ZNF385B: variants seen among roughly 807,000 people sequenced by gnomAD.
The protein encoded by ZNF385B is zinc finger protein 385B, also known as zinc finger protein 533.
ZNF385B carries 23 observed loss-of-function variants against 39.2 expected under a neutral mutation model. The ratio of observed to expected loss-of-function variants is 0.59; its 90% CI spans 0.42 to 0.83. The LOEUF is 0.83. Ranked by LOEUF, ZNF385B falls within the 40% of genes least tolerant of loss-of-function variation. The pLI is 0.00. For synonymous variants in ZNF385B, 205 were observed against 222.6 expected (o/e 0.92, Z 0.70); for missense variants, 552 against 598.9 (o/e 0.92, Z 0.82).
At chr2:179,803,271 AC>A (rs1228438914) in intron 1 of ZNF385B, among the ~76,000 whole-genome samples, 1 of 152,150 alleles carries the variant, frequency 6.6e-6, no homozygotes, top group Non-Finnish European at 1.5e-5. Context: ...CTAAGGTAAC[AC>A]AGTTTTAGTA....
chr2:179,509,192 A>C (rs536455836), intron 5 of ZNF385B, among the ~76,000 whole-genome samples: 2 of 152,254 alleles, frequency 1.3e-5, no homozygotes, highest in South Asian at 4.1e-4. Flanking sequence ...GTGATCCATC[A>C]TAATCACTTT....
intron 1 of ZNF385B, among the ~76,000 whole-genome samples, chr2:179,827,550 C>G (rs1462068168): frequency 6.6e-6 from 1 of 151,988 alleles, no homozygotes; most frequent in Non-Finnish European, 1.5e-5. Context: ...ATATAATTCT[C>G]AAATGCAAAA....
At chr2:179,518,735 A>C (rs2058272463) in intron 4 of ZNF385B, 97 bp from the exon 5 acceptor site, 3 of 660,340 alleles carry the variant, frequency 4.5e-6, no homozygotes, top group Non-Finnish European at 7.4e-6. Context: ...TAAAGTTTAA[A>C]CTTTTAGTTC....
At chr2:179,656,326 T>C (rs1693758577) in intron 3 of ZNF385B, among the ~76,000 whole-genome samples, 1 of 152,134 alleles carries the variant, frequency 6.6e-6, no homozygotes, top group South Asian at 2.1e-4. Context: ...GGCATTTTGA[T>C]TCCCAAGTAA....
At chr2:179,559,553 C>T (rs1195073032) in intron 3 of ZNF385B, among the ~76,000 whole-genome samples, 2 of 152,084 alleles carry the variant, frequency 1.3e-5, no homozygotes, top group African/African-American at 4.8e-5. Flanking sequence ...ATTATACTGA[C>T]CTTGTACTAG....
intron 5 of ZNF385B, among the ~76,000 whole-genome samples, chr2:179,508,276 T>C (rs2057401628): frequency 6.6e-6 from 1 of 152,230 alleles, no homozygotes; most frequent in African/African-American, 2.4e-5. Context: ...GTCTAGCAAT[T>C]CTACCTGTTG....
At chr2:179,770,340 G>A (rs1010497353) in intron 2 of ZNF385B, among the ~76,000 whole-genome samples, 181 bp downstream of exon 2, 1 of 152,094 alleles carries the variant, frequency 6.6e-6, no homozygotes, top group African/African-American at 2.4e-5. Flanking sequence ...TTACATAATA[G>A]GCATTCAAAT....
chr2:179,563,807 G>C (rs1684222249), intron 3 of ZNF385B, among the ~76,000 whole-genome samples: 1 of 152,104 alleles, frequency 6.6e-6, no homozygotes, highest in Non-Finnish European at 1.5e-5. Context: ...TCAAAAAAAA[G>C]TCTTCATCTA....
rs190689295 is a variant in ZNF385B at position 179,634,851 on chromosome 2, C to T, written c.299-89882G>A. ...GGATTAAGAAAATGTGGCACATGGC[C>T]GGTCGCCATGGCTCACGCCTGTAAT... is the stretch of plus-strand genomic sequence containing the variant. On this transcript the variant is annotated intron_variant, in intron 3 of 9. Coordinates refer to ENST00000410066, the MANE Select transcript of ZNF385B (RefSeq NM_152520.6). Among the ~76,000 whole-genome samples the T allele has an allele frequency of 2.6e-3, 402 of 152,078 alleles. 1 individual carries two copies. The highest frequency in any genetic ancestry group is 9.1e-3 in the African/African-American group (376 of 41,476).
At chr2:179,770,776 C>T (rs1026718780) in intron 1 of ZNF385B, 104 bp from the exon 2 acceptor site, 3 of 151,888 alleles carry the variant, frequency 2.0e-5, no homozygotes, top group African/African-American at 4.8e-5. Flanking sequence ...ATGTTTTCTT[C>T]GTTTGTTTAG....
chr2:179,651,925 A>G (rs2106248861), intron 3 of ZNF385B, among the ~76,000 whole-genome samples: 1 of 152,308 alleles, frequency 6.6e-6, no homozygotes, highest in African/African-American at 2.4e-5. Context: ...CCTTTTCTCC[A>G]GAAAACAACG....
At chr2:179,688,520 A>AACAAC (rs1559091228) in intron 3 of ZNF385B, among the ~76,000 whole-genome samples, 1 of 111,438 alleles carries the variant, frequency 9.0e-6, no homozygotes. Flanking sequence ...ACAACAACAA[A>AACAAC]AACAGAAAGA....
chr2:179,517,869 G>A (rs1464426870), intron 5 of ZNF385B, among the ~76,000 whole-genome samples: 1 of 152,036 alleles, frequency 6.6e-6, no homozygotes, highest in Admixed American at 6.5e-5. Flanking sequence ...TTAGCAGGAT[G>A]GTTATGCTTG....
At chr2:179,473,215 AAGTC>A (rs1235860471) in intron 6 of ZNF385B, among the ~76,000 whole-genome samples, 1 of 152,188 alleles carries the variant, frequency 6.6e-6, no homozygotes, top group Non-Finnish European at 1.5e-5. Context: ...GTCACTGAAA[AAGTC>A]AGGCTCATGA....
chr2:179,490,634 C>T (rs2055121479), intron 5 of ZNF385B, among the ~76,000 whole-genome samples: 2 of 151,410 alleles, frequency 1.3e-5, no homozygotes, highest in Admixed American at 1.3e-4. Flanking sequence ...AAAAAAAGTG[C>T]TTTTAAAAAA....
chr2:179,482,105 G>A (rs951655255), intron 6 of ZNF385B, among the ~76,000 whole-genome samples: 3 of 152,120 alleles, frequency 2.0e-5, no homozygotes, highest in South Asian at 2.1e-4. Context: ...ATCCTTCTAC[G>A]CTGAAGAGCT....
chr2:179,758,742 C>A (rs1575436218), intron 3 of ZNF385B, among the ~76,000 whole-genome samples: 1 of 152,176 alleles, frequency 6.6e-6, no homozygotes, highest in African/African-American at 2.4e-5. Flanking sequence ...CAGCCTACAG[C>A]CAGCAGCAAC....
intron 3 of ZNF385B, among the ~76,000 whole-genome samples, chr2:179,670,317 G>C (rs937308596): frequency 6.7e-6 from 1 of 149,546 alleles, no homozygotes. Flanking sequence ...AAAAATCATG[G>C]TGCTAATACT....
chr2:179,729,402 A>G (rs908030162), intron 3 of ZNF385B, among the ~76,000 whole-genome samples: 5 of 152,306 alleles, frequency 3.3e-5, no homozygotes, highest in African/African-American at 1.2e-4. Context: ...GGTGTTAGAC[A>G]AACAGAATTT....
Sources: allele counts gnomAD v4.1 joint callset (sites outside exome capture counted in the v4.1 genomes callset), GRCh38; gene constraint gnomAD v4.1.1; transcripts MANE v1.5; gene names NCBI Gene and HGNC (gene_info 2026-07-23, HGNC 2026-07-21).